The following ABLIM2 variants were observed in gnomAD, a reference collection of about 807,000 sequenced individuals.
ABLIM2 encodes actin binding LIM protein family member 2, also known as actin-binding LIM protein 2.
In ABLIM2, 53 loss-of-function variants were observed where a neutral mutation model predicts 97.7. The ratio of observed to expected loss-of-function variants is 0.54; its 90% confidence interval spans 0.44 to 0.68. The LOEUF is 0.68. ABLIM2 is among the 30% of genes least tolerant of loss of function. The pLI is 0.00. For synonymous variants in ABLIM2, 361 were observed against 345.8 expected (o/e 1.04, Z -0.49); for missense variants, 835 against 867.2 (o/e 0.96, Z 0.47).
intron 14 of ABLIM2, among the ~76,000 whole-genome samples, chr4:8,016,897 T>G (rs1309614810): frequency 6.6e-6 from 1 of 152,240 alleles, no homozygotes; most frequent in African/African-American, 2.4e-5. Flanking sequence ...AGCTTCCCTT[T>G]ACCCTCTCCT....
chr4:8,033,853 A>G lies in ABLIM2; in HGVS notation c.1047+2296T>C, dbSNP rs1006290035. ...GAAGCTGTGTCCTGGTCATACCATG[A>G]GACCCTGGAGCAGGACAGGGAGAGA... On this transcript the variant is annotated intron_variant, in intron 10 of 20. Transcript: ENST00000447017. The surrounding 1 kb of genome is among the most constrained non-coding windows in gnomAD (Gnocchi z 4.5). 1.3e-5 allele frequency among the ~76,000 whole-genome samples: 2 copies of G among 152,228 alleles called. No individual in the cohort carries two copies. Among genetic ancestry groups the G allele is most frequent in the Non-Finnish European group, 2.9e-5 (2 of 68,034 alleles).
chr4:8,084,250 G>A lies in ABLIM2; in HGVS notation c.455-3448C>T, dbSNP rs374199622. On this transcript the variant is annotated intron_variant, in intron 4 of 20. Coordinates refer to ENST00000447017, the MANE Select transcript of ABLIM2 (RefSeq NM_001130083.2). The stretch of plus-strand genomic sequence containing the variant: ...AGCGCACTGCGGTCAGGACTAGACC[G>A]GGACAGGCCTGCCATGGGCCCAGAG... Among the ~76,000 whole-genome samples, 15 of 152,310 alleles carry A rather than the reference G, an allele frequency of 9.8e-5. No homozygotes were observed. The East Asian group carries it at 2.1e-3, about 22-fold the overall frequency.
In ABLIM2 at chr4:8,037,342, A is replaced by G. The variant is rs200612194; in HGVS notation, c.901-1047T>C. 5.5e-5 allele frequency among the ~76,000 whole-genome samples: 8 copies of G among 146,558 alleles called. 1 individual carries two copies. The East Asian group carries it at 9.0e-4, about 16-fold the overall frequency. On this transcript the variant is annotated intron_variant, in intron 9 of 20. Transcript: ENST00000447017. ...CGCACACATGCACACACATGCAGGC[A>G]CACACACACATAAGGCACACACATG...
At chr4:8,091,792 T>C (rs1309655840) in intron 3 of ABLIM2, among the ~76,000 whole-genome samples, 4 of 92,320 alleles carry the variant, frequency 4.3e-5, no homozygotes, top group South Asian at 6.1e-4. Flanking sequence ...TTAATAATTA[T>C]AGAATTAATA....
At position 8,120,033 on chromosome 4, in the gene ABLIM2, G is replaced by A. The variant is rs1451357652; in HGVS notation, c.11-13396C>T. On this transcript the variant is annotated intron_variant, in intron 1 of 20. Transcript: ENST00000447017. The surrounding 1 kb of genome is among the most constrained non-coding windows in gnomAD (Gnocchi z 5.6). ...GTCCATGAGGACAAAGTCACTCTTG[G>A]CCACAAATAGGCTCTGTTCACAGAG... is the stretch of plus-strand genomic sequence containing the variant. 2.6e-5 allele frequency among the ~76,000 whole-genome samples: 4 copies of A among 152,136 alleles called. No homozygotes were observed. Among genetic ancestry groups the A allele is most frequent in the East Asian group, 1.9e-4 (1 of 5,166 alleles).
At chr4:7,983,665 C>G (rs4696933) in intron 18 of ABLIM2, 111 bp from the exon 19 acceptor site, 321,173 of 1,333,186 alleles carry the variant, frequency 0.24, 42,382 homozygotes, top group African/African-American at 0.46. Flanking sequence ...CCTGCAGTCA[C>G]CTGGGCCATG....
Position 8,143,744 on chromosome 4 carries a change from A to G in ABLIM2, c.10+14936T>C, listed in dbSNP as rs76437839. On this transcript the variant is annotated intron_variant, in intron 1 of 20. Transcript: ENST00000447017. ...GCTCCTGGAGGGAAGAACTGCCTCC[A>G]GTGCCCAGCAAGAGGATCGACATGC... Among the ~76,000 whole-genome samples, 383 of 152,284 alleles carry G rather than the reference A, an allele frequency of 2.5e-3. 2 individuals carry two copies. Among genetic ancestry groups the G allele is most frequent in the African/African-American group, 8.6e-3 (359 of 41,568 alleles).
chr4:8,118,210 C>G (rs1517525), intron 1 of ABLIM2, among the ~76,000 whole-genome samples: 2 of 152,104 alleles, frequency 1.3e-5, no homozygotes. Context: ...GCTCAACACA[C>G]GCCAGGGCTT....
At chr4:8,106,320 C>T (rs566554733) in intron 2 of ABLIM2, among the ~76,000 whole-genome samples, 174 bp downstream of exon 2, 12 of 152,346 alleles carry the variant, frequency 7.9e-5, no homozygotes, top group Admixed American at 7.2e-4. Context: ...ATCACATCCA[C>T]AAGTGACAAG....
chr4:8,078,607 A>T (rs1021408626), intron 5 of ABLIM2, among the ~76,000 whole-genome samples: 3 of 152,132 alleles, frequency 2.0e-5, no homozygotes, highest in Non-Finnish European at 4.4e-5. Context: ...CAGTGGCCAC[A>T]CTCGGTGTGG....
rs1290386706 is a variant in ABLIM2, at chr4:7,992,221, G to A, written c.1680+645C>T. ...AGGCGTTCACTGTCCTGGGGCACAGGGCCTGGCCCCTCTGCAAGGCAATCA... is the reference window on the plus strand; with the variant it reads ...AGGCGTTCACTGTCCTGGGGCACAGAGCCTGGCCCCTCTGCAAGGCAATCA... On this transcript the variant is annotated intron_variant, in intron 17 of 20. Transcript: ENST00000447017. The surrounding 1 kb of genome is among the most constrained non-coding windows in gnomAD (Gnocchi z 5.7). 1.3e-5 allele frequency among the ~76,000 whole-genome samples: 2 copies of A among 152,042 alleles called. No individual in the cohort carries two copies. The highest frequency in any genetic ancestry group is 2.9e-5 in the Non-Finnish European group (2 of 67,998).
rs548113472 is a variant in ABLIM2 at position 7,972,322 on chromosome 4, G to A, written c.1825-5219C>T. 7.9e-5 allele frequency among the ~76,000 whole-genome samples: 12 copies of A among 152,310 alleles called. No individual in the cohort carries two copies. The South Asian group carries it at 1.4e-3, about 18-fold the overall frequency. On this transcript the variant is annotated intron_variant, in intron 20 of 20. Transcript: ENST00000447017. Reference sequence around the variant, plus strand: ...TGTGAAAGCCCAGGGGAAGCACCATGCAGTGCTCCCTCTCCCATTCACCAG... The same window carrying A: ...TGTGAAAGCCCAGGGGAAGCACCATACAGTGCTCCCTCTCCCATTCACCAG...
At position 8,072,040 on chromosome 4, in the gene ABLIM2, G is replaced by A. The variant is rs1812572826; in HGVS notation, c.675+5588C>T. 1.0e-6 allele frequency: 1 copy of A among 985,472 alleles called. No individual in the cohort carries two copies. Among genetic ancestry groups the A allele is most frequent in the Non-Finnish European group, 1.2e-6 (1 of 829,972 alleles). 61.0% of individuals were successfully genotyped at this position (985,472 alleles called of 1,614,324 possible). A position where few individuals can be genotyped will look rare whatever the true frequency, so the allele number is the denominator to read the frequency against. ...TTCCCACCTTGCACCCGGGGAGGAT[G>A]CTCAGAGCTGTGCAGAGCCCGCCGA... On this transcript the variant is annotated intron_variant, in intron 6 of 20. Transcript: ENST00000447017. This position sits in a 1 kb window ranked among gnomAD's most constrained non-coding sequence, Gnocchi z 5.8.
chr4:8,022,334 C>A lies in ABLIM2; in HGVS notation c.1268-2031G>T, dbSNP rs771351771. ...CACATCACAGTGTACCTGTCCCTCC[C>A]CAGTTCCCAGCCACAGGGCAGCATC... On this transcript the variant is annotated intron_variant, in intron 12 of 20. Transcript: ENST00000447017. The surrounding 1 kb of genome is among the most constrained non-coding windows in gnomAD (Gnocchi z 7.8). Among the ~76,000 whole-genome samples, 1 of 152,208 alleles carries A rather than the reference C, an allele frequency of 6.6e-6. No homozygotes were observed. Among genetic ancestry groups the A allele is most frequent in the Non-Finnish European group, 1.5e-5 (1 of 68,028 alleles).
At chr4:7,985,741 C>G (rs1743381476) in intron 17 of ABLIM2, among the ~76,000 whole-genome samples, 2 of 152,160 alleles carry the variant, frequency 1.3e-5, no homozygotes, top group East Asian at 3.9e-4. Context: ...GGGATGGGCC[C>G]GAGAGCTCCT....
intron 1 of ABLIM2, among the ~76,000 whole-genome samples, chr4:8,135,097 C>T (rs147476612): frequency 2.9e-3 from 445 of 152,252 alleles, no homozygotes; most frequent in Non-Finnish European, 4.9e-3. Flanking sequence ...TGCCACAAGG[C>T]CACAGGTCTG....
At chr4:8,006,114 C>G (rs1166096091) in intron 16 of ABLIM2, among the ~76,000 whole-genome samples, 1 of 152,246 alleles carries the variant, frequency 6.6e-6, no homozygotes, top group African/African-American at 2.4e-5. Context: ...ACCCACCAGG[C>G]TCGTGTTCTC....
intron 1 of ABLIM2, among the ~76,000 whole-genome samples, chr4:8,111,266 A>G (rs1231624482): frequency 6.6e-6 from 1 of 152,248 alleles, no homozygotes; most frequent in Admixed American, 6.5e-5. Flanking sequence ...GCAGGATTCC[A>G]ATTATGTGAC....
intron 14 of ABLIM2, among the ~76,000 whole-genome samples, chr4:8,011,349 T>G (rs545591635): frequency 6.6e-6 from 1 of 152,240 alleles, no homozygotes; most frequent in Non-Finnish European, 1.5e-5. Flanking sequence ...CCAACGGCTT[T>G]TTTAAAAACC....
Sources: allele counts gnomAD v4.1 joint callset (sites outside exome capture counted in the v4.1 genomes callset), GRCh38; gene constraint gnomAD v4.1.1; non-coding constraint Gnocchi (gnomAD v3.1); transcripts MANE v1.5; gene names NCBI Gene and HGNC (gene_info 2026-07-23, HGNC 2026-07-21).